The following MAPK6 variants were observed in gnomAD, a reference collection of about 807,000 sequenced individuals.
The protein encoded by MAPK6 is mitogen-activated protein kinase 6, also known as ERK-3.
A neutral mutation model predicts 59.3 loss-of-function variants in MAPK6; 19 were observed. The observed-to-expected ratio is 0.32, with a 90% CI of 0.22 to 0.47. MAPK6 has a LOEUF of 0.47. MAPK6 is among the 20% of genes least tolerant of loss of function. MAPK6 has a pLI of 1.00. For synonymous variants in MAPK6, 316 were observed against 290.3 expected (o/e 1.09, Z -0.90); for missense variants, 724 against 847.9 (o/e 0.85, Z 1.81).
rs1396212482 is a variant in MAPK6, at chr15:52,046,584, T to C, written c.124T>C (p.Cys42Arg). Residue 42 changes from cysteine to arginine, a missense_variant, in exon 2 of 6, where the codon TGT becomes CGT. Cys to Arg is a radical substitution (Grantham distance 180). This residue lies in a region of MAPK6 where 30 missense variants were observed against 55.3 expected (regional missense o/e 0.54). Transcript: ENST00000261845. The stretch of plus-strand genomic sequence containing the variant: ...GGTTTTTTCTGCTGTAGACAATGAC[T>C]GTGACAAAAGAGTAGCCATCAAGAA... ...GLVFSAVDND[C>R]DKRVAIKKIV... 4 of 1,614,180 alleles carry C rather than the reference T, an allele frequency of 2.5e-6. No homozygotes were observed. The East Asian group carries it at 6.7e-5, about 27-fold the overall frequency.
At chr15:52,016,070 G>GCGCGCGTGCACACACACACA, upstream of MAPK6, among the ~76,000 whole-genome samples, 1 of 55,392 alleles carries the variant, frequency 1.8e-5, no homozygotes, top group Non-Finnish European at 3.4e-5. Flanking sequence ...GCGCGCGCGC[G>GCGCGCGTGCACACACACACA]CACACACACA....
At chr15:52,059,758 T>C (rs542192169) in intron 4 of MAPK6, among the ~76,000 whole-genome samples, 2 of 152,316 alleles carry the variant, frequency 1.3e-5, no homozygotes, top group East Asian at 3.9e-4. Flanking sequence ...TCCTTGGTGG[T>C]CACATGTGGC....
rs1052045025 is a variant in MAPK6 at position 52,065,981 on chromosome 15, A to T, written c.*981A>T. 1.6e-4 allele frequency: 25 copies of T among 152,586 alleles called. No homozygotes were observed. Among genetic ancestry groups the T allele is most frequent in the Non-Finnish European group, 2.4e-4 (16 of 68,010 alleles). The allele number at this position is 152,586 out of a possible 1,614,324, so 9.5% of individuals were successfully genotyped here. On this transcript the variant is annotated 3_prime_UTR_variant, in exon 6 of 6. Transcript: ENST00000261845. ...GAAGTCTTAATTGTGTTTATTTTTT[A>T]AAAAAACAAATGTTAGACTTGTGTG...
At chr15:51,993,559 T>G (rs1425985962) in intron 2 of MAPK6, among the ~76,000 whole-genome samples, 2 of 152,116 alleles carry the variant, frequency 1.3e-5, no homozygotes, top group African/African-American at 4.8e-5. Context: ...TAGAAAGGTA[T>G]TAGTGTAAAT....
At chr15:52,008,746 G>A (rs2029977869) in intron 3 of MAPK6, among the ~76,000 whole-genome samples, 1 of 152,172 alleles carries the variant, frequency 6.6e-6, no homozygotes, top group Non-Finnish European at 1.5e-5. Context: ...GGAATGGGAT[G>A]GGCACTCATA....
At position 52,030,611 on chromosome 15, in the gene MAPK6, C is replaced by CTTTTTTTTTTTTTTT. The variant is rs11295636; in HGVS notation, c.-632+11251_-632+11265dup. 2.2e-4 allele frequency among the ~76,000 whole-genome samples: 8 copies of CTTTTTTTTTTTTTTT among 35,742 alleles called. 1 individual carries two copies. The highest frequency in any genetic ancestry group is 8.0e-4 in the African/African-American group (7 of 8,778). 23.4% of individuals were successfully genotyped at this position (35,742 alleles called of 152,430 possible). A position where few individuals can be genotyped will look rare whatever the true frequency, so the allele number is the denominator to read the frequency against. On this transcript the variant is annotated intron_variant, in intron 1 of 5. Coordinates refer to ENST00000261845, the MANE Select transcript of MAPK6 (RefSeq NM_002748.4). ...TGTGTTTTAGTTATGCAGAAGAAGG[C>CTTTTTTTTTTTTTTT]TTTTTTTTTTTTTTTTTTTTTTTTT...
At chr15:52,054,946 C>T (rs1199633494) in intron 3 of MAPK6, among the ~76,000 whole-genome samples, 1 of 152,176 alleles carries the variant, frequency 6.6e-6, no homozygotes, top group African/African-American at 2.4e-5. Flanking sequence ...TGCCACCACA[C>T]CCAGCTAACT....
intron 2 of MAPK6, among the ~76,000 whole-genome samples, chr15:52,047,528 A>T (rs1595998062): frequency 6.6e-6 from 1 of 151,894 alleles, no homozygotes; most frequent in African/African-American, 2.4e-5. Context: ...TTGTATTTTT[A>T]GTAGACAGGG....
rs535840695 is a variant in MAPK6 at position 52,038,789 on chromosome 15, A to C, written c.-631-7041A>C. 6.6e-5 allele frequency among the ~76,000 whole-genome samples: 10 copies of C among 152,316 alleles called. No homozygotes were observed. The East Asian group carries it at 1.9e-3, about 29-fold the overall frequency. On this transcript the variant is annotated intron_variant, in intron 1 of 5. Coordinates refer to ENST00000261845, the MANE Select transcript of MAPK6 (RefSeq NM_002748.4). ...GATCAAGCGTTATTATAATTATTTA[A>C]AAATTTCCAGCCGTAAGTTTGTAGA...
intron 3 of MAPK6, among the ~76,000 whole-genome samples, chr15:52,008,755 T>C (rs1256249629): frequency 1.3e-5 from 2 of 152,112 alleles, no homozygotes; most frequent in Non-Finnish European, 2.9e-5. Context: ...TGGGCACTCA[T>C]AGGTTTAGAG....
intron 1 of MAPK6, among the ~76,000 whole-genome samples, chr15:51,981,470 T>TC (rs1393964478): frequency 1.9e-5 from 2 of 103,610 alleles, no homozygotes; most frequent in African/African-American, 6.5e-5. Flanking sequence ...AGACTCCGTC[T>TC]CAAAAAAAAA....
Position 52,013,020 on chromosome 15 carries a change from AATATATATATATATATATATATATATAT to A in MAPK6, c.-632+8631_-632+8658del, listed in dbSNP as rs71130116. 9.2e-3 allele frequency among the ~76,000 whole-genome samples: 176 copies of A among 19,126 alleles called. 3 individuals are homozygous for A. The highest frequency in any genetic ancestry group is 0.032 in the African/African-American group (169 of 5,290). The allele number at this position is 19,126 out of a possible 152,430, so 12.5% of individuals were successfully genotyped here. A position where few individuals can be genotyped will look rare whatever the true frequency, so the allele number is the denominator to read the frequency against. On this transcript the variant is annotated intron_variant, in intron 3 of 7. Transcript: ENST00000691380. The stretch of plus-strand genomic sequence containing the variant: ...AAAAAAAAAAAAAAAAAAAAAAAAA[AATATATATATATATATATATATATATAT>A]ATATATATATATTACACAAGACTAA...
intron 1 of MAPK6, among the ~76,000 whole-genome samples, chr15:52,044,116 A>G (rs577735359): frequency 1.3e-5 from 2 of 152,144 alleles, no homozygotes; most frequent in African/African-American, 4.8e-5. Context: ...ACAAACTTCA[A>G]CTTTTAAGTG....
At chr15:52,020,955 AG>A (rs1291171600) in intron 1 of MAPK6, among the ~76,000 whole-genome samples, 3 of 152,206 alleles carry the variant, frequency 2.0e-5, no homozygotes, top group Non-Finnish European at 4.4e-5. Flanking sequence ...TTGATCACCT[AG>A]GTATTACTGT....
chr15:52,056,020 G>C (rs2031968386), intron 3 of MAPK6, among the ~76,000 whole-genome samples: 1 of 152,168 alleles, frequency 6.6e-6, no homozygotes. Flanking sequence ...ATTTTTGTCA[G>C]TGACCCATTC....
At chr15:52,022,979 T>C (rs912747880) in intron 1 of MAPK6, among the ~76,000 whole-genome samples, 1 of 151,828 alleles carries the variant, frequency 6.6e-6, no homozygotes, top group Admixed American at 6.6e-5. Context: ...TGGTGGCACG[T>C]GCCTGTAATC....
intron 3 of MAPK6, among the ~76,000 whole-genome samples, chr15:52,007,439 CCTG>C (rs1309772403): frequency 6.6e-6 from 1 of 152,076 alleles, no homozygotes; most frequent in African/African-American, 2.4e-5. Context: ...TTTTTTTCCT[CCTG>C]CTCTCTCTCT....
chr15:52,051,532 G>GAAAAAA (rs2031780056), intron 3 of MAPK6, among the ~76,000 whole-genome samples: 1 of 152,176 alleles, frequency 6.6e-6, no homozygotes, highest in Non-Finnish European at 1.5e-5. Flanking sequence ...CCAGTACTTA[G>GAAAAAA]TTTATATAAC....
At chr15:51,986,214 T>C (rs2057190729) in intron 2 of MAPK6, among the ~76,000 whole-genome samples, 1 of 152,138 alleles carries the variant, frequency 6.6e-6, no homozygotes, top group Non-Finnish European at 1.5e-5. Flanking sequence ...AACTTACTAA[T>C]TGTCATGAGA....
Sources: allele counts gnomAD v4.1 joint callset (sites outside exome capture counted in the v4.1 genomes callset), GRCh38; gene constraint gnomAD v4.1.1; regional missense constraint gnomAD v4.1.1; transcripts MANE v1.5; gene names NCBI Gene and HGNC (gene_info 2026-07-23, HGNC 2026-07-21).